SAMD5: variants seen among roughly 807,000 people sequenced by gnomAD.
SAMD5 encodes sterile alpha motif domain containing 5, also known as sterile alpha motif domain-containing protein 5.
A neutral mutation model predicts 11.3 loss-of-function variants in SAMD5; 13 were observed. The ratio of observed to expected loss-of-function variants is 1.15; its 90% CI spans 0.75 to 1.83. SAMD5 has a LOEUF of 1.83. SAMD5 is among the 40% of genes most tolerant of loss of function. The pLI, the probability that SAMD5 is intolerant of heterozygous loss-of-function variation, is 0.00. For missense variants in SAMD5, 255 were observed against 239.1 expected (o/e 1.07, Z -0.44); for synonymous variants, 129 against 111.3 (o/e 1.16, Z -1.00).
At chr6:147,870,300 C>T in the SAMD5 span, among the ~76,000 whole-genome samples, 1 of 151,992 alleles carries the variant, frequency 6.6e-6, no homozygotes, top group Non-Finnish European at 1.5e-5. Flanking sequence ...ATCCTTCCCA[C>T]CTGTCAAGCA....
downstream of SAMD5, among the ~76,000 whole-genome samples, chr6:147,573,538 G>C (rs1789169621): frequency 6.6e-6 from 1 of 152,188 alleles, no homozygotes; most frequent in Non-Finnish European, 1.5e-5. Flanking sequence ...TTTGAGAAGA[G>C]ATTTGGGTGG....
At chr6:147,831,423 T>G in the SAMD5 span, among the ~76,000 whole-genome samples, 3 of 152,196 alleles carry the variant, frequency 2.0e-5, no homozygotes, top group African/African-American at 7.2e-5. Flanking sequence ...GCTCCTGCTT[T>G]CCTCTTTTTC....
chr6:147,532,963 A>G (rs1788452480), intron 1 of SAMD5, among the ~76,000 whole-genome samples: 1 of 152,070 alleles, frequency 6.6e-6, no homozygotes, highest in Non-Finnish European at 1.5e-5. Flanking sequence ...TGGCTAGTAA[A>G]TGTTAACCAA....
chr6:147,936,690 T>C, the SAMD5 span, among the ~76,000 whole-genome samples: 10 of 152,122 alleles, frequency 6.6e-5, no homozygotes, highest in Non-Finnish European at 1.5e-4. Context: ...AAGAATAAGA[T>C]GATTTTCTAA....
At chr6:147,724,137 A>G (rs1294402649) in intron 1 of SAMD5, among the ~76,000 whole-genome samples, 1 of 152,078 alleles carries the variant, frequency 6.6e-6, no homozygotes, top group Non-Finnish European at 1.5e-5. Context: ...AAAAATATAT[A>G]TATTTTTTGA....
chr6:147,713,982 T>G (rs1791432669), intron 1 of SAMD5, among the ~76,000 whole-genome samples: 1 of 152,184 alleles, frequency 6.6e-6, no homozygotes, highest in Admixed American at 6.5e-5. Context: ...CAGGTCTGTA[T>G]TTTTACTTCT....
the SAMD5 span, among the ~76,000 whole-genome samples, chr6:147,855,025 A>T: frequency 1.3e-5 from 2 of 152,206 alleles, no homozygotes; most frequent in Non-Finnish European, 2.9e-5. Flanking sequence ...AAGAAAATAT[A>T]AAAAGTTTTG....
chr6:147,722,898 A>G (rs895753711), intron 1 of SAMD5, among the ~76,000 whole-genome samples: 1 of 152,174 alleles, frequency 6.6e-6, no homozygotes, highest in African/African-American at 2.4e-5. Context: ...TGTTGTTATT[A>G]TAATTAATCT....
chr6:147,671,486 A>G (rs1265974100), intron 1 of SAMD5, among the ~76,000 whole-genome samples: 1 of 152,230 alleles, frequency 6.6e-6, no homozygotes, highest in Non-Finnish European at 1.5e-5. Flanking sequence ...GAGTTTCAGA[A>G]GTAGACTTAC....
At chr6:147,530,066 A>G (rs1788403887) in intron 1 of SAMD5, among the ~76,000 whole-genome samples, 1 of 152,146 alleles carries the variant, frequency 6.6e-6, no homozygotes. Context: ...GTATGTTTTT[A>G]CCATATATGG....
the SAMD5 span, among the ~76,000 whole-genome samples, chr6:147,789,592 A>AT: frequency 9.2e-5 from 14 of 152,114 alleles, no homozygotes; most frequent in Non-Finnish European, 4.4e-5. Flanking sequence ...TGGCACATTT[A>AT]TTGTAATTAA....
chr6:147,938,253 C>T, the SAMD5 span, among the ~76,000 whole-genome samples: 2 of 129,006 alleles, frequency 1.6e-5, no homozygotes, highest in Non-Finnish European at 3.3e-5. Context: ...TGGAGGGAAA[C>T]ATTTTTTTTG....
In SAMD5 at chr6:147,569,955, T is replaced by C; in HGVS notation, c.*5499T>C. The C allele has an allele frequency of 5.1e-6, 5 of 984,384 alleles. No homozygotes were observed. Among genetic ancestry groups the C allele is most frequent in the Non-Finnish European group, 6.0e-6 (5 of 828,934 alleles). 61.0% of individuals were successfully genotyped at this position (984,384 alleles called of 1,614,324 possible). A position where few individuals can be genotyped will look rare whatever the true frequency, so the allele number is the denominator to read the frequency against. ...ATAGCATTATGAACCATGTAATGCA[T>C]GCCCATGCACACTGTGATTTGCAAA... On this transcript the variant is annotated 3_prime_UTR_variant, in exon 2 of 2. Coordinates refer to ENST00000367474, the MANE Select transcript of SAMD5 (RefSeq NM_001030060.3).
chr6:147,666,025 G>A (rs1446828797), intron 1 of SAMD5, among the ~76,000 whole-genome samples: 1 of 152,110 alleles, frequency 6.6e-6, no homozygotes, highest in African/African-American at 2.4e-5. Context: ...TGCAACCTCC[G>A]CCTCCAGGGT....
At chr6:147,673,458 C>T (rs529749755) in intron 1 of SAMD5, among the ~76,000 whole-genome samples, 4 of 152,256 alleles carry the variant, frequency 2.6e-5, no homozygotes, top group Non-Finnish European at 4.4e-5. Flanking sequence ...CTTGATCCGT[C>T]TGCCTCGGCC....
chr6:147,583,818 AACACACACAC>A (rs3032052), intron 1 of SAMD5, among the ~76,000 whole-genome samples: 2 of 149,394 alleles, frequency 1.3e-5, no homozygotes, highest in African/African-American at 2.5e-5. Flanking sequence ...GGAATTTTCA[AACACACACAC>A]ACACACACAC....
At chr6:147,904,126 T>C in the SAMD5 span, among the ~76,000 whole-genome samples, 3 of 152,178 alleles carry the variant, frequency 2.0e-5, no homozygotes, top group Non-Finnish European at 4.4e-5. Context: ...CTGTGGTTCA[T>C]CCTTCTGTGG....
At chr6:147,765,621 A>C in the SAMD5 span, among the ~76,000 whole-genome samples, 1 of 152,358 alleles carries the variant, frequency 6.6e-6, no homozygotes, top group East Asian at 1.9e-4. Context: ...TAGCCTGCAG[A>C]GGACATTATC....
At chr6:147,806,437 A>G in the SAMD5 span, among the ~76,000 whole-genome samples, 2 of 152,194 alleles carry the variant, frequency 1.3e-5, no homozygotes, top group Admixed American at 6.5e-5. Context: ...CCCAAGTCAC[A>G]ACATCTTTCT....
Sources: allele counts gnomAD v4.1 joint callset (sites outside exome capture counted in the v4.1 genomes callset), GRCh38; gene constraint gnomAD v4.1.1; transcripts MANE v1.5; gene names NCBI Gene and HGNC (gene_info 2026-07-23, HGNC 2026-07-21).